Variants in PRKG1 observed in about 807,000 individuals in gnomAD.
PRKG1 encodes protein kinase cGMP-dependent 1.
A neutral mutation model predicts 88.1 loss-of-function variants in PRKG1; 35 were observed. The observed-to-expected ratio is 0.40, with a 90% CI of 0.30 to 0.53. The LOEUF (loss-of-function observed/expected upper bound fraction) is 0.53, where lower values mean the gene tolerates loss of function less well. Ranked by LOEUF, PRKG1 falls within the 20% of genes least tolerant of loss-of-function variation. The pLI is 0.59. For synonymous variants in PRKG1, 303 were observed against 292.5 expected, an observed-to-expected ratio of 1.04 and a Z score of -0.37; for missense variants, 540 against 839.8, an observed-to-expected ratio of 0.64 and a Z score of 4.41.
At chr10:52,098,866 T>C (rs1245406279) in intron 7 of PRKG1, among the ~76,000 whole-genome samples, 1 of 152,160 alleles carries the variant, frequency 6.6e-6, no homozygotes, top group Non-Finnish European at 1.5e-5. Context: ...AGTATCTAAA[T>C]AACAAACCTA....
At chr10:51,236,796 G>A (rs917780589) in intron 2 of PRKG1, among the ~76,000 whole-genome samples, 9 of 152,070 alleles carry the variant, frequency 5.9e-5, no homozygotes, top group South Asian at 2.1e-4. Flanking sequence ...GAGCCACCAC[G>A]CTCAGCCATG....
chr10:51,686,981 C>A (rs1456015403), intron 3 of PRKG1, among the ~76,000 whole-genome samples: 1 of 152,078 alleles, frequency 6.6e-6, no homozygotes, highest in African/African-American at 2.4e-5. Flanking sequence ...AAGTAATTTG[C>A]CCACCTCAGC....
chr10:51,111,821 G>A (rs539514609), intron 1 of PRKG1, among the ~76,000 whole-genome samples: 9 of 152,190 alleles, frequency 5.9e-5, no homozygotes, highest in African/African-American at 1.9e-4. Context: ...TTTACCCAAA[G>A]GTAGAAAACT....
chr10:51,363,818 G>A (rs17600560), intron 2 of PRKG1, among the ~76,000 whole-genome samples: 3,209 of 151,974 alleles, frequency 0.021, 52 homozygotes, highest in Middle Eastern at 0.041. Flanking sequence ...CCCTGACCAC[G>A]TCAACGTAAG....
intron 3 of PRKG1, among the ~76,000 whole-genome samples, chr10:51,554,330 A>G (rs1837249380): frequency 7.9e-6 from 1 of 126,510 alleles, no homozygotes; most frequent in Admixed American, 8.2e-5. Context: ...ATATATACAC[A>G]CATATATTAT....
chr10:51,970,764 TTATATATATATATCAGATATATCAGATTA>T (rs1843694083), intron 5 of PRKG1, among the ~76,000 whole-genome samples: 2 of 144,538 alleles, frequency 1.4e-5, no homozygotes, highest in African/African-American at 5.2e-5. Flanking sequence ...ATATATCAGA[TTATATATATATATCAGATATATCAGATTA>T]TATATATATA....
intron 5 of PRKG1, among the ~76,000 whole-genome samples, chr10:52,043,777 T>C (rs1845801616): frequency 6.6e-6 from 1 of 151,860 alleles, no homozygotes; most frequent in South Asian, 2.1e-4. Flanking sequence ...TATATATGTA[T>C]TGAAACATCA....
intron 3 of PRKG1, among the ~76,000 whole-genome samples, chr10:51,756,042 A>T (rs1837851287): frequency 6.6e-6 from 1 of 152,266 alleles, no homozygotes; most frequent in Non-Finnish European, 1.5e-5. Flanking sequence ...TAAATTAAAA[A>T]TGATAGGAGA....
chr10:51,661,879 C>T (rs1840308613), intron 3 of PRKG1, among the ~76,000 whole-genome samples: 1 of 152,134 alleles, frequency 6.6e-6, no homozygotes, highest in African/African-American at 2.4e-5. Flanking sequence ...CACATATACA[C>T]CATGGAATAC....
At chr10:51,419,399 C>A (rs908183502) in intron 2 of PRKG1, among the ~76,000 whole-genome samples, 1 of 152,066 alleles carries the variant, frequency 6.6e-6, no homozygotes, top group Non-Finnish European at 1.5e-5. Flanking sequence ...TGGCAACCTC[C>A]ATGGATAAAG....
intron 3 of PRKG1, among the ~76,000 whole-genome samples, chr10:51,592,421 G>A (rs1331761074): frequency 6.6e-6 from 1 of 152,264 alleles, no homozygotes; most frequent in East Asian, 1.9e-4. Context: ...ATCTTTGAGA[G>A]CAGGGATTGT....
At chr10:51,657,823 G>A (rs1041618069) in intron 3 of PRKG1, among the ~76,000 whole-genome samples, 3 of 152,146 alleles carry the variant, frequency 2.0e-5, no homozygotes, top group Admixed American at 2.0e-4. Context: ...GTGAGATTTA[G>A]CAGACGGGAC....
chr10:51,962,304 G>C (rs1843466553), intron 5 of PRKG1, among the ~76,000 whole-genome samples: 1 of 152,132 alleles, frequency 6.6e-6, no homozygotes, highest in South Asian at 2.1e-4. Flanking sequence ...TCTTGCAGCT[G>C]TACAGCCTTG....
intron 8 of PRKG1, among the ~76,000 whole-genome samples, chr10:52,141,165 A>G (rs1217416012): frequency 6.6e-6 from 1 of 152,184 alleles, no homozygotes; most frequent in Non-Finnish European, 1.5e-5. Context: ...AAAAATGTGT[A>G]TTAAGCAGGA....
At chr10:51,616,985 C>T (rs1839074575) in intron 3 of PRKG1, among the ~76,000 whole-genome samples, 1 of 152,154 alleles carries the variant, frequency 6.6e-6, no homozygotes, top group Admixed American at 6.5e-5. Context: ...GGTGGCAGGG[C>T]TCTAAAATGG....
At chr10:51,726,571 C>T (rs1842136568) in intron 3 of PRKG1, among the ~76,000 whole-genome samples, 1 of 152,154 alleles carries the variant, frequency 6.6e-6, no homozygotes, top group African/African-American at 2.4e-5. Context: ...TTCAGATGAT[C>T]ACAGTTATAA....
chr10:51,892,983 A>G (rs1233136608), intron 4 of PRKG1, among the ~76,000 whole-genome samples: 2 of 152,196 alleles, frequency 1.3e-5, no homozygotes, highest in Non-Finnish European at 1.5e-5. Flanking sequence ...ATAAAAATGT[A>G]TATGATTTTA....
At chr10:51,968,886 T>C (rs1370213013) in intron 5 of PRKG1, among the ~76,000 whole-genome samples, 1 of 150,610 alleles carries the variant, frequency 6.6e-6, no homozygotes, top group Non-Finnish European at 1.5e-5. Flanking sequence ...TCCCAAATTA[T>C]GAAAACAGAA....
chr10:52,074,402 T>C (rs989170311), intron 7 of PRKG1, among the ~76,000 whole-genome samples: 1 of 152,208 alleles, frequency 6.6e-6, no homozygotes, highest in Non-Finnish European at 1.5e-5. Flanking sequence ...CTGTCTAAAA[T>C]GTAAGGTCAT....
Sources: gnomAD v4.1 joint callset for allele counts (sites outside exome capture counted in the v4.1 genomes callset) on GRCh38, gnomAD v4.1.1 for gene constraint, MANE v1.5 for transcripts, NCBI Gene and HGNC (gene_info 2026-07-23, HGNC 2026-07-21) for gene names.